The following EIF4G3 variants were observed in gnomAD, a reference collection of about 807,000 sequenced individuals.
EIF4G3 encodes the protein eIF-4-gamma 3.
A neutral mutation model predicts 186.4 loss-of-function variants in EIF4G3; 34 were observed. The ratio of observed to expected loss-of-function variants is 0.18; its 90% CI spans 0.14 to 0.24. The LOEUF (loss-of-function observed/expected upper bound fraction) is 0.24. EIF4G3 is among the 10% of genes least tolerant of loss of function. The probability of loss-of-function intolerance (pLI) is 1.00; values close to 1 mark genes in which losing one functional copy is unlikely to be tolerated. For synonymous variants in EIF4G3, 673 were observed against 679.5 expected, an observed-to-expected ratio of 0.99 and a Z score of 0.15; for missense variants, 1,536 against 1,948.5, an observed-to-expected ratio of 0.79 and a Z score of 3.99.
chr1:21,153,435 G>A lies in EIF4G3; in HGVS notation c.-272+22740C>T, dbSNP rs78163641. Among the ~76,000 whole-genome samples the A allele has an allele frequency of 2.1e-3, 318 of 152,172 alleles. 2 individuals are homozygous for A. The highest frequency in any genetic ancestry group is 7.2e-3 in the African/African-American group (301 of 41,524). ...ATTTCCATAATCCATTCTAACCCTC[G>A]CATTCTAAGATTCTGGTTCTCTTTA... is the stretch of plus-strand genomic sequence containing the variant. On this transcript the variant is annotated intron_variant, in intron 2 of 36. Transcript: ENST00000602326.
chr1:21,099,386 T>C (rs986347458), intron 2 of EIF4G3, among the ~76,000 whole-genome samples: 5 of 152,174 alleles, frequency 3.3e-5, no homozygotes, highest in Non-Finnish European at 5.9e-5. Flanking sequence ...AACTGGCCAA[T>C]AGACAAACTA....
At chr1:21,027,466 T>TA (rs1320251289) in intron 4 of EIF4G3, among the ~76,000 whole-genome samples, 1 of 150,872 alleles carries the variant, frequency 6.6e-6, no homozygotes, top group East Asian at 2.0e-4. Flanking sequence ...CTGTGTCTAC[T>TA]AAAAATACAA....
intron 19 of EIF4G3, among the ~76,000 whole-genome samples, chr1:20,885,279 G>A (rs183913416): frequency 5.9e-5 from 9 of 152,296 alleles, no homozygotes; most frequent in African/African-American, 1.9e-4. Context: ...TCATCGTACT[G>A]AGCACTTAAC....
At chr1:21,111,551 C>T in intron 2 of EIF4G3, 2 of 312,736 alleles carry the variant, frequency 6.4e-6, no homozygotes, top group South Asian at 5.5e-5. Flanking sequence ...TTAAGAGCAC[C>T]AACGGATCTC....
intron 12 of EIF4G3, among the ~76,000 whole-genome samples, chr1:20,968,476 C>T (rs558355627): frequency 2.0e-4 from 30 of 152,184 alleles, no homozygotes; most frequent in Middle Eastern, 3.4e-3. Flanking sequence ...CCAACGCGCC[C>T]GGCCTTGAAA....
At chr1:21,037,483 T>C (rs1448940782) in intron 4 of EIF4G3, among the ~76,000 whole-genome samples, 5 of 152,172 alleles carry the variant, frequency 3.3e-5, no homozygotes, top group African/African-American at 1.2e-4. Context: ...ACACCCACTC[T>C]TATTCTGGGT....
chr1:20,815,681 G>A (rs1390881949), intron 34 of EIF4G3, among the ~76,000 whole-genome samples: 28 of 139,190 alleles, frequency 2.0e-4, no homozygotes, highest in African/African-American at 6.5e-4. Flanking sequence ...CCGGCCAGCC[G>A]CCCCGTCCGG....
At position 21,002,766 on chromosome 1, in the gene EIF4G3, C is replaced by T; in HGVS notation, c.-24G>A. ...ATTGTCTGAGGGGTTTGAGGGTATA[C>T]CAGCGTGGTTGGACCTGCATTCTGT... On this transcript the variant is annotated 5_prime_UTR_variant, in exon 5 of 37. It introduces an in-frame stop codon into an upstream open reading frame of the 5' UTR. Coordinates refer to ENST00000602326, the MANE Select transcript of EIF4G3 (RefSeq NM_001391906.1). 1 of 1,613,674 alleles carries T rather than the reference C, an allele frequency of 6.2e-7. No homozygotes were observed. The highest frequency in any genetic ancestry group is 8.5e-7 in the Non-Finnish European group (1 of 1,179,816).
At chr1:21,072,557 C>G (rs2095475887) in intron 3 of EIF4G3, among the ~76,000 whole-genome samples, 1 of 152,084 alleles carries the variant, frequency 6.6e-6, no homozygotes, top group South Asian at 2.1e-4. Context: ...GTACCTGCCA[C>G]CACGCCCGGC....
intron 2 of EIF4G3, among the ~76,000 whole-genome samples, chr1:21,155,891 C>T (rs541020382): frequency 3.0e-4 from 46 of 152,194 alleles, no homozygotes; most frequent in South Asian, 4.1e-4. Context: ...CTTTGAGACG[C>T]TGAGGCAGGA....
intron 4 of EIF4G3, among the ~76,000 whole-genome samples, chr1:21,036,870 ACT>A (rs1464528656): frequency 3.3e-5 from 5 of 152,002 alleles, no homozygotes; most frequent in Non-Finnish European, 7.4e-5. Flanking sequence ...ACAGAGTGAG[ACT>A]CCACCTCTAA....
intron 2 of EIF4G3, among the ~76,000 whole-genome samples, chr1:21,095,440 T>G (rs912847761): frequency 6.6e-6 from 1 of 152,068 alleles, no homozygotes; most frequent in Non-Finnish European, 1.5e-5. Flanking sequence ...CTCACCAGAG[T>G]AGCTGGGACT....
intron 4 of EIF4G3, among the ~76,000 whole-genome samples, chr1:21,042,857 A>C (rs1221135284): frequency 2.0e-5 from 3 of 152,192 alleles, no homozygotes; most frequent in African/African-American, 4.8e-5. Context: ...ATTATTCTTA[A>C]AACTTACCTG....
At chr1:20,878,878 ATCAGCTTTGAAAC>A (rs1307828745) in intron 20 of EIF4G3, among the ~76,000 whole-genome samples, 1 of 152,226 alleles carries the variant, frequency 6.6e-6, no homozygotes, top group Non-Finnish European at 1.5e-5. Flanking sequence ...ACATGAAATT[ATCAGCTTTGAAAC>A]CTTTTTGACT....
intron 4 of EIF4G3, among the ~76,000 whole-genome samples, chr1:21,044,488 T>C (rs1019121514): frequency 2.0e-5 from 3 of 152,152 alleles, no homozygotes; most frequent in African/African-American, 7.2e-5. Context: ...TGAAATGTGA[T>C]GTTTTCTTAA....
chr1:21,065,718 TATC>T (rs1019149020), intron 3 of EIF4G3, among the ~76,000 whole-genome samples: 5 of 152,234 alleles, frequency 3.3e-5, no homozygotes, highest in South Asian at 2.1e-4. Context: ...AGTAAGGACT[TATC>T]ATGCTGATTT....
chr1:20,908,070 T>C (rs1326511203), intron 14 of EIF4G3, among the ~76,000 whole-genome samples: 5 of 151,722 alleles, frequency 3.3e-5, no homozygotes, highest in East Asian at 1.9e-4. Context: ...TTCCTGACTT[T>C]TTAATGATCG....
chr1:21,122,027 C>T (rs1401535381), intron 2 of EIF4G3, among the ~76,000 whole-genome samples: 1 of 152,100 alleles, frequency 6.6e-6, no homozygotes, highest in African/African-American at 2.4e-5. Flanking sequence ...TTCCCAGGTT[C>T]GCACACCTGG....
intron 7 of EIF4G3, among the ~76,000 whole-genome samples, chr1:20,995,360 C>T (rs1322754249): frequency 6.6e-6 from 1 of 151,974 alleles, no homozygotes; most frequent in Non-Finnish European, 1.5e-5. Flanking sequence ...TATTTAGTAA[C>T]ATGGTTCTTT....
Sources: gnomAD v4.1 joint callset for allele counts (sites outside exome capture counted in the v4.1 genomes callset) on GRCh38, gnomAD v4.1.1 for gene constraint, MANE v1.5 for transcripts, NCBI Gene and HGNC (gene_info 2026-07-23, HGNC 2026-07-21) for gene names.